TRPC4AP: variants seen among roughly 807,000 people sequenced by gnomAD.
The protein encoded by TRPC4AP is short transient receptor potential channel 4-associated protein.
TRPC4AP carries 45 observed loss-of-function variants against 99.0 expected under a neutral mutation model. The observed-to-expected ratio is 0.45, with a 90% CI of 0.36 to 0.58. TRPC4AP has a LOEUF of 0.58. TRPC4AP is among the 20% of genes least tolerant of loss of function. TRPC4AP has a pLI of 0.00. For missense variants in TRPC4AP, 879 were observed against 985.3 expected (o/e 0.89, Z 1.44); for synonymous variants, 408 against 385.8 (o/e 1.06, Z -0.67).
In TRPC4AP at chr20:35,016,007, C is replaced by G; in HGVS notation, c.1350+1G>C. On this transcript the variant is annotated splice_donor_variant, in intron 10 of 18. Coordinates refer to ENST00000252015, the MANE Select transcript of TRPC4AP (RefSeq NM_015638.3). LOFTEE classifies it high-confidence loss of function. ...TCTGTCCCCGGGGGTCTCCTGCTTA[C>G]CGGGCTACAGTCACAGTTCTGGTTG... 6.2e-7 allele frequency: 1 copy of G among 1,614,152 alleles called. No homozygotes were observed.
At chr20:35,014,147 G>A (rs1221956717) in intron 10 of TRPC4AP, among the ~76,000 whole-genome samples, 1 of 152,030 alleles carries the variant, frequency 6.6e-6, no homozygotes, top group Non-Finnish European at 1.5e-5. Context: ...CACCATGCCC[G>A]GGAGCACGTT....
intron 15 of TRPC4AP, 124 bp downstream of exon 15, chr20:35,006,311 A>AAGACTGCCC (rs1346216881): frequency 1.7e-6 from 2 of 1,173,374 alleles, no homozygotes; most frequent in African/African-American, 1.5e-5. Flanking sequence ...ATGTTTGCCA[A>AAGACTGCCC]AGACTGCCCA....
chr20:35,044,773 CTCTCTTTCGCA>C, intron 6 of TRPC4AP, 61 bp from the exon 7 acceptor site: 2 of 1,522,652 alleles, frequency 1.3e-6, no homozygotes, highest in South Asian at 2.3e-5. Flanking sequence ...TTGGATGTGC[CTCTCTTTCGCA>C]TCCCCTTACA....
intron 1 of TRPC4AP, among the ~76,000 whole-genome samples, chr20:35,087,335 T>A (rs1202781795): frequency 1.6e-5 from 2 of 121,272 alleles, no homozygotes; most frequent in African/African-American, 8.0e-5. Context: ...CGAGACTCCA[T>A]CTCAAAAAAA....
intron 7 of TRPC4AP, among the ~76,000 whole-genome samples, chr20:35,041,171 G>C (rs1015761114): frequency 9.7e-6 from 1 of 102,824 alleles, no homozygotes; most frequent in African/African-American, 3.5e-5. Flanking sequence ...CCTAGTCTAC[G>C]GTACCTTGTT....
In TRPC4AP at chr20:35,003,538, G is replaced by A. The variant is rs769005982; in HGVS notation, c.2128C>T (p.Arg710Trp). ...CTGTGCTCCATCCGCTGCAGCAGCC[G>A]CAGGTACAGGGGCAGCCGCTCTTTC... ...RRKERLPLYL[R>W]LLQRMEHSKK... The change falls in exon 18 of 19, where the codon CGG becomes TGG. Residue 710 changes from arginine to tryptophan, a missense_variant. Coordinates refer to ENST00000252015, the MANE Select transcript of TRPC4AP (RefSeq NM_015638.3). The A allele has an allele frequency of 2.4e-5, 39 of 1,613,822 alleles. No homozygotes were observed. Among genetic ancestry groups the A allele is most frequent in the Admixed American group, 3.3e-5 (2 of 60,012 alleles).
At chr20:35,026,360 G>A (rs1000009485) in intron 8 of TRPC4AP, among the ~76,000 whole-genome samples, 4 of 151,958 alleles carry the variant, frequency 2.6e-5, no homozygotes, top group Admixed American at 2.0e-4. Flanking sequence ...GACTATAGGT[G>A]GGTGTCACGA....
chr20:35,050,013 G>A lies in TRPC4AP; in HGVS notation c.529-19C>T, dbSNP rs1459482914. 6.2e-7 allele frequency: 1 copy of A among 1,610,676 alleles called. No individual in the cohort carries two copies. Among genetic ancestry groups the A allele is most frequent in the Non-Finnish European group, 8.5e-7 (1 of 1,178,566 alleles). ...CCTCTGTCTGTCACAAGAAGAAAAGGCAGAATAGGTTGTAAGTACAAAATA... is the reference window on the plus strand; with the variant it reads ...CCTCTGTCTGTCACAAGAAGAAAAGACAGAATAGGTTGTAAGTACAAAATA... On this transcript the variant is annotated intron_variant, in intron 5 of 18. Transcript: ENST00000252015.
chr20:35,034,868 T>TACA (rs1400132050), intron 8 of TRPC4AP, among the ~76,000 whole-genome samples: 1 of 152,174 alleles, frequency 6.6e-6, no homozygotes, highest in Non-Finnish European at 1.5e-5. Flanking sequence ...TGGTTCTTGT[T>TACA]AGTCCCTGAG....
chr20:35,006,192 C>T (rs942004392), intron 15 of TRPC4AP, among the ~76,000 whole-genome samples: 1 of 152,106 alleles, frequency 6.6e-6, no homozygotes, highest in South Asian at 2.1e-4. Flanking sequence ...TCACGGCAGG[C>T]GCACAAGCCA....
At chr20:35,087,197 G>T (rs1457145448) in intron 1 of TRPC4AP, among the ~76,000 whole-genome samples, 13 of 151,076 alleles carry the variant, frequency 8.6e-5, no homozygotes, top group Admixed American at 1.3e-4. Flanking sequence ...AAATTAGCCA[G>T]GCGTGGTGGC....
intron 2 of TRPC4AP, among the ~76,000 whole-genome samples, chr20:35,072,742 C>T (rs1434496205): frequency 1.3e-5 from 2 of 152,120 alleles, no homozygotes; most frequent in Non-Finnish European, 2.9e-5. Flanking sequence ...GTTCTTTTGG[C>T]TTAGGATTGT....
chr20:35,041,329 C>CATTTGAATG (rs2083442600), intron 7 of TRPC4AP, among the ~76,000 whole-genome samples: 1 of 152,086 alleles, frequency 6.6e-6, no homozygotes, highest in Non-Finnish European at 1.5e-5. Context: ...CTTCCCAGGG[C>CATTTGAATG]ATTTGAATGG....
At chr20:35,011,922 A>G (rs1036609386) in intron 11 of TRPC4AP, among the ~76,000 whole-genome samples, 57 of 152,082 alleles carry the variant, frequency 3.7e-4, no homozygotes, top group Admixed American at 3.5e-3. Context: ...TACCATCTCC[A>G]CTTATCACTA....
chr20:35,028,010 A>G (rs558025237), intron 8 of TRPC4AP, among the ~76,000 whole-genome samples: 1 of 151,988 alleles, frequency 6.6e-6, no homozygotes, highest in African/African-American at 2.4e-5. Context: ...CTATCTCACC[A>G]GTTTTCACTC....
At chr20:35,012,303 C>A (rs543142345) in intron 11 of TRPC4AP, among the ~76,000 whole-genome samples, 1 of 152,178 alleles carries the variant, frequency 6.6e-6, no homozygotes, top group Non-Finnish European at 1.5e-5. Flanking sequence ...AAAATCAGGA[C>A]CTTTCACATA....
intron 13 of TRPC4AP, 101 bp downstream of exon 13, chr20:35,008,563 A>T: frequency 1.0e-6 from 1 of 964,056 alleles, no homozygotes; most frequent in Non-Finnish European, 1.6e-6. Flanking sequence ...GTGCTTCAGG[A>T]GGCATGGACG....
rs746596075 is a variant in TRPC4AP, at chr20:35,054,935, G to A, written c.528+41C>T. On this transcript the variant is annotated intron_variant, in intron 5 of 18. Coordinates refer to ENST00000252015, the MANE Select transcript of TRPC4AP (RefSeq NM_015638.3). ...TCCCATCTTAAACATTGCAGACCTGGTAGGGGAGATAAACAGAGCCCCAGT... is the reference window on the plus strand; with the variant it reads ...TCCCATCTTAAACATTGCAGACCTGATAGGGGAGATAAACAGAGCCCCAGT... 6 of 1,542,992 alleles carry A rather than the reference G, an allele frequency of 3.9e-6. No homozygotes were observed. The South Asian group carries it at 4.5e-5, about 12-fold the overall frequency.
intron 1 of TRPC4AP, 55 bp downstream of exon 1, chr20:35,092,559 C>T (rs1425478298): frequency 2.1e-6 from 3 of 1,407,632 alleles, no homozygotes; most frequent in African/African-American, 1.5e-5. Flanking sequence ...CCCCGGCCCC[C>T]CGCCAGCTCC....
Sources: allele counts gnomAD v4.1 joint callset (sites outside exome capture counted in the v4.1 genomes callset), GRCh38; gene constraint gnomAD v4.1.1; transcripts MANE v1.5; gene names NCBI Gene and HGNC (gene_info 2026-07-23, HGNC 2026-07-21).